Variants in SP140 observed in about 807,000 individuals in gnomAD.
SP140 encodes nuclear body protein SP140.
In SP140, 81 loss-of-function variants were observed where a neutral mutation model predicts 125.0. The observed-to-expected ratio is 0.65, with a 90% CI of 0.54 to 0.78. SP140 has a LOEUF of 0.78. Among genes scored for constraint, SP140 ranks in the 30% least tolerant of loss-of-function variants. The probability of loss-of-function intolerance (pLI) is 0.00; values close to 1 mark genes in which losing one functional copy is unlikely to be tolerated. For missense variants in SP140, 858 were observed against 1,037.0 expected (o/e 0.83, Z 2.37); for synonymous variants, 312 against 354.0 (o/e 0.88, Z 1.33).
chr2:230,232,731 G>C (rs1324174655), intron 1 of SP140, among the ~76,000 whole-genome samples: 1 of 152,134 alleles, frequency 6.6e-6, no homozygotes, highest in Non-Finnish European at 1.5e-5. Flanking sequence ...GTTTAACACA[G>C]TGTTATTAAA....
chr2:230,295,266 A>G (rs1198130976), intron 21 of SP140, among the ~76,000 whole-genome samples: 1 of 152,244 alleles, frequency 6.6e-6, no homozygotes, highest in Non-Finnish European at 1.5e-5. Flanking sequence ...ACACATAGCT[A>G]GCCACTAAGC....
chr2:230,244,915 G>A (rs1377641795), intron 5 of SP140, 73 bp from the exon 6 acceptor site: 3 of 1,059,408 alleles, frequency 2.8e-6, no homozygotes, highest in East Asian at 4.9e-5. Flanking sequence ...GCTCACTTGA[G>A]TGCTGAACAC....
chr2:230,287,293 C>T (rs182878715), intron 17 of SP140, among the ~76,000 whole-genome samples: 22 of 152,264 alleles, frequency 1.4e-4, no homozygotes, highest in Admixed American at 3.3e-4. Flanking sequence ...ACTTTCAGCA[C>T]GAGGGTACAA....
chr2:230,297,420 G>A lies in SP140; in HGVS notation c.2017-1G>A. On this transcript the variant is annotated splice_acceptor_variant, in intron 21 of 26. Transcript: ENST00000392045. LOFTEE classifies it high-confidence loss of function. ...AATCAATCTTTCTGTTTTTTCAACA[G>A]AGAATACTGAAGTCTCAAAACAATA... 6.2e-7 allele frequency: 1 copy of A among 1,613,400 alleles called. No homozygotes were observed. The highest frequency in any genetic ancestry group is 1.7e-4 in the Middle Eastern group (1 of 6,060).
chr2:230,216,832 G>A, intron 3 of SP140: 1 of 1,614,142 alleles, frequency 6.2e-7, no homozygotes, highest in Non-Finnish European at 8.5e-7. Flanking sequence ...CTTCAAAGAA[G>A]GGAAATGGCT....
chr2:230,258,924 G>C (rs191529043), intron 12 of SP140, among the ~76,000 whole-genome samples: 3 of 151,596 alleles, frequency 2.0e-5, no homozygotes, highest in Non-Finnish European at 2.9e-5. Context: ...AACGGGAACA[G>C]AGTTAAAGTT....
intron 1 of SP140, among the ~76,000 whole-genome samples, chr2:230,229,436 T>A (rs892280222): frequency 1.3e-5 from 2 of 151,094 alleles, no homozygotes; most frequent in African/African-American, 4.9e-5. Flanking sequence ...ACATCATTTT[T>A]CCCTTTGCAT....
In SP140 at chr2:230,237,954, A is replaced by G. The variant is rs961604866; in HGVS notation, c.238-259A>G. On this transcript the variant is annotated intron_variant, in intron 2 of 26. Transcript: ENST00000392045. This position sits in a 1 kb window ranked among gnomAD's most constrained non-coding sequence, Gnocchi z 5.4. ...TCCTGAAATAACCTGGCCAGGCTCT[A>G]AAGCCATACACAACATTCAACTTTG... 6.6e-6 allele frequency among the ~76,000 whole-genome samples: 1 copy of G among 152,206 alleles called. No individual in the cohort carries two copies. The highest frequency in any genetic ancestry group is 6.5e-5 in the Admixed American group (1 of 15,282).
chr2:230,253,867 T>G (rs570865864), intron 11 of SP140, among the ~76,000 whole-genome samples: 1 of 152,210 alleles, frequency 6.6e-6, no homozygotes. Flanking sequence ...ACCCTTGGGA[T>G]GGAGCTGACA....
rs754934991 is a variant in SP140 at position 230,312,861 on chromosome 2, A to G, written c.*177A>G. On this transcript the variant is annotated 3_prime_UTR_variant, in exon 27 of 27. Transcript: ENST00000392045. ...TCAAAAGGAAATTCAATCATCATGA[A>G]TCACAACCCCAAGTATCTCATCAGC... The G allele has an allele frequency of 4.0e-5, 21 of 529,104 alleles. No individual in the cohort carries two copies. The highest frequency in any genetic ancestry group is 6.8e-5 in the Non-Finnish European group (20 of 293,650). The allele number at this position is 529,104 out of a possible 1,614,324, so 32.8% of individuals were successfully genotyped here.
At chr2:230,255,431 G>A (rs777717419) in intron 11 of SP140, 21 bp from the exon 12 acceptor site, 1 of 1,613,290 alleles carries the variant, frequency 6.2e-7, no homozygotes, top group Non-Finnish European at 8.5e-7. Context: ...GACCTCTGAG[G>A]GATTTCCTTC....
At chr2:230,215,459 A>G (rs1178211924) in intron 3 of SP140, among the ~76,000 whole-genome samples, 1 of 152,220 alleles carries the variant, frequency 6.6e-6, no homozygotes, top group East Asian at 1.9e-4. Flanking sequence ...TGATTCTTTA[A>G]AGCTGTGGGC....
At chr2:230,262,253 A>G (rs1276169294) in intron 12 of SP140, among the ~76,000 whole-genome samples, 4 of 152,126 alleles carry the variant, frequency 2.6e-5, no homozygotes, top group African/African-American at 4.8e-5. Context: ...TATTCATAGT[A>G]ACCTTGAATG....
At position 230,247,833 on chromosome 2, in the gene SP140, T is replaced by A. The variant is rs934762920; in HGVS notation, c.743-83T>A. The A allele has an allele frequency of 4.2e-6, 6 of 1,433,628 alleles. No homozygotes were observed. In the African/African-American group the frequency reaches 7.1e-5, roughly 17 times the overall value. The allele number at this position is 1,433,628 out of a possible 1,614,324, so 88.8% of individuals were successfully genotyped here. On this transcript the variant is annotated intron_variant, in intron 7 of 26. Coordinates refer to ENST00000392045, the MANE Select transcript of SP140 (RefSeq NM_007237.5). ...GCTTGAAAAAGTCACCTTGTTTCAC[T>A]ACAATCTCCATCATGCTCACTAATC...
chr2:230,200,641 G>A (rs73000367), upstream of SP140: 68,619 of 548,782 alleles, frequency 0.13, 5,211 homozygotes, highest in South Asian at 0.26. Context: ...CTTGAGTGCT[G>A]AGAAAAATCT....
Position 230,285,614 on chromosome 2 carries a change from A to C in SP140, c.1565-138A>C, listed in dbSNP as rs537573808. ...GTGTAACTTAAAAGTCGACACTCCC[A>C]AAAGCAAAAAATGCTCTGGACACCT... On this transcript the variant is annotated intron_variant, in intron 16 of 26. Coordinates refer to ENST00000392045, the MANE Select transcript of SP140 (RefSeq NM_007237.5). 7 of 708,404 alleles carry C rather than the reference A, an allele frequency of 9.9e-6. No homozygotes were observed. The East Asian group carries it at 1.5e-4, about 15-fold the overall frequency. 43.9% of individuals were successfully genotyped at this position (708,404 alleles called of 1,614,324 possible). A position where few individuals can be genotyped will look rare whatever the true frequency, so the allele number is the denominator to read the frequency against.
In SP140 at chr2:230,237,171, A is replaced by G. The variant is rs1382679730; in HGVS notation, c.148A>G (p.Lys50Glu). The change falls in exon 2 of 27, where the codon AAG becomes GAG. Residue 50 changes from lysine (K) to glutamate (E), a missense_variant. By Grantham distance (56) the Lys-to-Glu change is moderately conservative. Transcript: ENST00000392045. This position sits in a 1 kb window ranked among gnomAD's most constrained non-coding sequence, Gnocchi z 5.4. ...CATTTTCAGGTTCTTCAGAGAAAACAAGGTGGAGATTGCAAGTGCAATAAC... is the reference window on the plus strand; with the variant it reads ...CATTTTCAGGTTCTTCAGAGAAAACGAGGTGGAGATTGCAAGTGCAATAAC... The part of the protein sequence containing the change: ...EPIFRFFREN[K>E]VEIASAITRP... 9 of 1,613,692 alleles carry G rather than the reference A, an allele frequency of 5.6e-6. No individual in the cohort carries two copies. The Admixed American group carries it at 1.5e-4, about 27-fold the overall frequency.
chr2:230,276,251 A>G (rs2054691675), intron 15 of SP140, among the ~76,000 whole-genome samples: 1 of 152,192 alleles, frequency 6.6e-6, no homozygotes, highest in Non-Finnish European at 1.5e-5. Flanking sequence ...AAAGCTCCAC[A>G]GAACAGGCTG....
chr2:230,263,040 A>C (rs1272310036), intron 12 of SP140, among the ~76,000 whole-genome samples: 1 of 152,078 alleles, frequency 6.6e-6, no homozygotes, highest in African/African-American at 2.4e-5. Flanking sequence ...TGACCTGTCT[A>C]GTGCTGTCAG....
Sources: gnomAD v4.1 joint callset for allele counts (sites outside exome capture counted in the v4.1 genomes callset) on GRCh38, gnomAD v4.1.1 for gene constraint, Gnocchi (gnomAD v3.1) non-coding constraint, MANE v1.5 for transcripts, NCBI Gene and HGNC (gene_info 2026-07-23, HGNC 2026-07-21) for gene names.